The following CSMD1 variants were observed in gnomAD, a reference collection of about 807,000 sequenced individuals.
The protein encoded by CSMD1 is CUB and sushi domain-containing protein 1.
Under a neutral mutation model 417.5 loss-of-function variants are expected in CSMD1, and 213 were observed. The observed-to-expected ratio is 0.51, with a 90% CI of 0.46 to 0.57. CSMD1 has a LOEUF of 0.57. Ranked by LOEUF, CSMD1 falls within the 20% of genes least tolerant of loss-of-function variation. CSMD1 has a pLI of 0.00. For missense variants in CSMD1, 6,923 were observed against 4,529.7 expected, an observed-to-expected ratio of 1.53 and a Z score of -15.17; for synonymous variants, 2,862 against 1,736.8, an observed-to-expected ratio of 1.65 and a Z score of -16.11.
rs141094915 is a variant in CSMD1 at position 4,214,200 on chromosome 8, T to G, written c.416-182101A>C. Among the ~76,000 whole-genome samples the G allele has an allele frequency of 1.6e-3, 250 of 152,296 alleles. 1 individual carries two copies. Among genetic ancestry groups the G allele is most frequent in the African/African-American group, 5.6e-3 (233 of 41,544 alleles). ...CATCTTTACATAGGATACGGCTCAA[T>G]AGATGGAAATTAAATGAATGGACTA... is the stretch of plus-strand genomic sequence containing the variant. On this transcript the variant is annotated intron_variant, in intron 3 of 69. Coordinates refer to ENST00000635120, the MANE Select transcript of CSMD1 (RefSeq NM_033225.6).
At chr8:4,795,545 A>T (rs1797932275) in intron 1 of CSMD1, among the ~76,000 whole-genome samples, 1 of 151,798 alleles carries the variant, frequency 6.6e-6, no homozygotes. Flanking sequence ...TGCAGGCATG[A>T]GCCACCGCAC....
At chr8:4,312,237 G>C (rs10503252) in intron 3 of CSMD1, among the ~76,000 whole-genome samples, 1 of 151,490 alleles carries the variant, frequency 6.6e-6, no homozygotes. Flanking sequence ...TAGCGTAACT[G>C]ATCATATTGC....
At chr8:3,615,602 G>A (rs935815166) in intron 8 of CSMD1, among the ~76,000 whole-genome samples, 1 of 152,000 alleles carries the variant, frequency 6.6e-6, no homozygotes, top group Non-Finnish European at 1.5e-5. Context: ...CTTCAATATA[G>A]ACACACTACA....
At chr8:4,803,767 T>A (rs1014222915) in intron 1 of CSMD1, among the ~76,000 whole-genome samples, 3 of 152,214 alleles carry the variant, frequency 2.0e-5, no homozygotes, top group African/African-American at 7.2e-5. Context: ...AGAACGTTAT[T>A]GGTATTTATT....
At chr8:4,113,429 G>C (rs896649340) in intron 3 of CSMD1, among the ~76,000 whole-genome samples, 4 of 113,194 alleles carry the variant, frequency 3.5e-5, no homozygotes, top group Non-Finnish European at 4.9e-5. Context: ...AAATGAGACA[G>C]TATCTCGCTC....
At chr8:3,482,882 T>C (rs970914518) in intron 11 of CSMD1, among the ~76,000 whole-genome samples, 5 of 151,970 alleles carry the variant, frequency 3.3e-5, no homozygotes, top group Non-Finnish European at 5.9e-5. Context: ...AAATAATCCA[T>C]GATTCAAAGG....
chr8:4,285,585 C>T (rs1247981988), intron 3 of CSMD1, among the ~76,000 whole-genome samples: 1 of 152,160 alleles, frequency 6.6e-6, no homozygotes, highest in African/African-American at 2.4e-5. Flanking sequence ...TGATTTTGGA[C>T]CAGGCAGCTG....
chr8:3,665,430 G>A (rs1798636451), intron 7 of CSMD1, among the ~76,000 whole-genome samples: 2 of 152,122 alleles, frequency 1.3e-5, no homozygotes, highest in South Asian at 4.1e-4. Context: ...TCCGGAGGCT[G>A]AGGCACAAGA....
intron 10 of CSMD1, among the ~76,000 whole-genome samples, chr8:3,505,079 T>C (rs909005180): frequency 2.0e-5 from 3 of 152,064 alleles, no homozygotes; most frequent in Admixed American, 6.5e-5. Flanking sequence ...TCAGGAGAAT[T>C]TCTGTAACCC....
chr8:3,818,909 C>A (rs1457383754), intron 5 of CSMD1, among the ~76,000 whole-genome samples: 2 of 152,188 alleles, frequency 1.3e-5, no homozygotes, highest in East Asian at 3.9e-4. Context: ...AAGACCACCG[C>A]ACATGCCCAC....
intron 10 of CSMD1, among the ~76,000 whole-genome samples, chr8:3,507,692 C>T (rs1796887047): frequency 6.6e-6 from 1 of 152,176 alleles, no homozygotes; most frequent in East Asian, 1.9e-4. Context: ...TTAATGATTG[C>T]CATTCTAACT....
intron 3 of CSMD1, among the ~76,000 whole-genome samples, chr8:4,322,109 A>T (rs1799303284): frequency 6.6e-6 from 1 of 152,200 alleles, no homozygotes; most frequent in Non-Finnish European, 1.5e-5. Context: ...TAAATACTTA[A>T]TATAAAATAT....
intron 3 of CSMD1, among the ~76,000 whole-genome samples, chr8:4,182,950 T>A (rs146243028): frequency 2.0e-5 from 3 of 152,082 alleles, no homozygotes; most frequent in Non-Finnish European, 4.4e-5. Flanking sequence ...ATGAAGATAA[T>A]GGCCAATAAA....
Position 4,463,921 on chromosome 8 carries a change from AAG to A in CSMD1, c.303-43858_303-43857del, listed in dbSNP as rs1467628889. On this transcript the variant is annotated intron_variant, in intron 2 of 69. Transcript: ENST00000635120. ...ATCATTTCAATATAGCTCTGATTAAAAGAAAGCAGCAGCTCAGGACTAGAGAA... is the reference window on the plus strand; with the variant it reads ...ATCATTTCAATATAGCTCTGATTAAAAAAGCAGCAGCTCAGGACTAGAGAA... 2.0e-5 allele frequency among the ~76,000 whole-genome samples: 3 copies of A among 152,320 alleles called. No homozygotes were observed. In the South Asian group the frequency reaches 6.2e-4, roughly 32 times the overall value.
At chr8:4,068,753 A>G (rs1012361373) in intron 3 of CSMD1, among the ~76,000 whole-genome samples, 5 of 152,230 alleles carry the variant, frequency 3.3e-5, no homozygotes, top group African/African-American at 4.8e-5. Flanking sequence ...TCTGTACCAT[A>G]AAATAATGAT....
intron 2 of CSMD1, among the ~76,000 whole-genome samples, chr8:4,612,827 T>A (rs1801254189): frequency 6.6e-6 from 1 of 152,188 alleles, no homozygotes; most frequent in South Asian, 2.1e-4. Flanking sequence ...TGACAGAATT[T>A]AAGAGAGGCT....
intron 1 of CSMD1, among the ~76,000 whole-genome samples, chr8:4,669,885 A>G (rs1363543827): frequency 2.0e-5 from 3 of 152,162 alleles, no homozygotes; most frequent in Admixed American, 6.5e-5. Flanking sequence ...GGCTTCTAGA[A>G]CTGCTGAAAG....
At chr8:4,767,589 A>C (rs1414176045) in intron 1 of CSMD1, among the ~76,000 whole-genome samples, 4 of 152,052 alleles carry the variant, frequency 2.6e-5, no homozygotes, top group Admixed American at 1.3e-4. Flanking sequence ...GCATTCATCA[A>C]CACAGTCCTC....
intron 2 of CSMD1, among the ~76,000 whole-genome samples, chr8:4,441,101 T>TTTTTTTTTTTTTTTTTTTTTTTTTG (rs1563176279): frequency 9.1e-6 from 1 of 109,514 alleles, no homozygotes; most frequent in Non-Finnish European, 1.9e-5. Flanking sequence ...AAAGGTTTTT[T>TTTTTTTTTTTTTTTTTTTTTTTTTG]TTTTTTTTTT....
Sources: gnomAD v4.1 joint callset for allele counts (sites outside exome capture counted in the v4.1 genomes callset) on GRCh38, gnomAD v4.1.1 for gene constraint, MANE v1.5 for transcripts, NCBI Gene and HGNC (gene_info 2026-07-23, HGNC 2026-07-21) for gene names.